Variants in SEMA6D observed in about 807,000 individuals in gnomAD.
SEMA6D encodes semaphorin 6D.
A neutral mutation model predicts 106.6 loss-of-function variants in SEMA6D; 35 were observed. The ratio of observed to expected loss-of-function variants is 0.33; its 90% CI spans 0.25 to 0.44. The LOEUF (loss-of-function observed/expected upper bound fraction) is 0.44. Among genes scored for constraint, SEMA6D ranks in the 20% least tolerant of loss-of-function variants. The pLI is 1.00. For missense variants in SEMA6D, 1,185 were observed against 1,345.9 expected, an observed-to-expected ratio of 0.88 and a Z score of 1.87; for synonymous variants, 499 against 487.7, an observed-to-expected ratio of 1.02 and a Z score of -0.31.
intron 4 of SEMA6D, among the ~76,000 whole-genome samples, chr15:47,628,589 G>C (rs1005511325): frequency 6.6e-6 from 1 of 151,952 alleles, no homozygotes; most frequent in Admixed American, 6.6e-5. Flanking sequence ...TCTCTAGTGG[G>C]ATTGTTTGCT....
At chr15:47,599,999 C>G (rs182118928) in intron 3 of SEMA6D, among the ~76,000 whole-genome samples, 8 of 151,936 alleles carry the variant, frequency 5.3e-5, no homozygotes, top group Admixed American at 2.6e-4. Flanking sequence ...GGAATTTGTA[C>G]CATTTGGGGA....
Position 47,766,103 on chromosome 15 carries a change from A to G in SEMA6D, c.1569-2A>G. 1 of 1,613,662 alleles carries G rather than the reference A, an allele frequency of 6.2e-7. No individual in the cohort carries two copies. On this transcript the variant is annotated splice_acceptor_variant, in intron 14 of 18. Transcript: ENST00000536845. LOFTEE classifies it high-confidence loss of function. ...AGTTACATTCTGTTTGGTTTTACAC[A>G]GGTCTTGTATTGCATCTCGTGACCC...
intron 1 of SEMA6D, among the ~76,000 whole-genome samples, chr15:47,401,919 C>T (rs1415327586): frequency 1.3e-5 from 2 of 152,188 alleles, no homozygotes; most frequent in African/African-American, 4.8e-5. Flanking sequence ...AGACTGTGAG[C>T]CCTTCAAAAA....
At chr15:47,475,890 C>G (rs1170184506) in intron 3 of SEMA6D, among the ~76,000 whole-genome samples, 23 of 152,190 alleles carry the variant, frequency 1.5e-4, no homozygotes, top group Non-Finnish European at 5.9e-5. Flanking sequence ...ATTAAACAGC[C>G]CTGGCTAAAG....
At chr15:47,202,487 T>C (rs1420766307) in intron 1 of SEMA6D, among the ~76,000 whole-genome samples, 1 of 151,948 alleles carries the variant, frequency 6.6e-6, no homozygotes, top group Non-Finnish European at 1.5e-5. Context: ...CTGTACATGC[T>C]CACCTCCCAA....
At chr15:47,501,735 G>A (rs1428145222) in intron 3 of SEMA6D, among the ~76,000 whole-genome samples, 3 of 152,118 alleles carry the variant, frequency 2.0e-5, no homozygotes, top group Admixed American at 2.0e-4. Context: ...ATTATTTGAT[G>A]CAGCAAAAGA....
intron 4 of SEMA6D, among the ~76,000 whole-genome samples, chr15:47,678,958 C>A (rs967428017): frequency 1.7e-4 from 26 of 152,180 alleles, no homozygotes; most frequent in African/African-American, 6.0e-4. Flanking sequence ...TGTCTGACTC[C>A]AAATGTCAGC....
rs55676647 is a variant in SEMA6D, at chr15:47,312,146, G to GTTT, written c.-238-100236_-238-100234dup. Among the ~76,000 whole-genome samples the GTTT allele has an allele frequency of 6.3e-3, 889 of 142,214 alleles. 29 individuals carry two copies. The highest frequency in any genetic ancestry group is 0.035 in the East Asian group (172 of 4,888). The allele number at this position is 142,214 out of a possible 152,430, so 93.3% of individuals were successfully genotyped here. ...ATTTTTGCTTAGGCGTCTTTCTAGGGTTTTTTTTTTTTTCCCCATTACCAT... is the reference window on the plus strand; with the variant it reads ...ATTTTTGCTTAGGCGTCTTTCTAGGGTTTTTTTTTTTTTTTTCCCCATTACCAT... On this transcript the variant is annotated intron_variant, in intron 1 of 19. Coordinates refer to the SEMA6D transcript ENST00000558014.
In SEMA6D at chr15:47,771,629, G is replaced by C; in HGVS notation, c.3066G>C (p.Gln1022His). The C allele has an allele frequency of 6.2e-7, 1 of 1,614,106 alleles. No homozygotes were observed. The highest frequency in any genetic ancestry group is 2.2e-5 in the East Asian group (1 of 44,874). ...IQGTPVSVHLQPSLSRQSSYT... is the reference protein window; with the variant it reads ...IQGTPVSVHLHPSLSRQSSYT... ...GAACACCAGTGAGTGTTCATCTGCA[G>C]CCTTCCCTCTCCAGACAGAGCAGCT... is the stretch of plus-strand genomic sequence containing the variant. The change falls in exon 19 of 19, where the codon CAG (glutamine) becomes CAC (histidine). Residue 1022 changes from glutamine to histidine, a missense_variant. Coordinates refer to ENST00000536845, the MANE Select transcript of SEMA6D (RefSeq NM_001358351.3).
At chr15:47,239,716 A>G (rs1342094325) in intron 1 of SEMA6D, among the ~76,000 whole-genome samples, 1 of 152,146 alleles carries the variant, frequency 6.6e-6, no homozygotes, top group Non-Finnish European at 1.5e-5. Flanking sequence ...AGCTCTCTGT[A>G]TATCAGTTTC....
At chr15:47,651,511 A>T (rs1409108767) in intron 4 of SEMA6D, among the ~76,000 whole-genome samples, 18 of 152,178 alleles carry the variant, frequency 1.2e-4, no homozygotes, top group Non-Finnish European at 2.9e-5. Context: ...TTCATAGCTG[A>T]TCTTATTGGG....
intron 3 of SEMA6D, among the ~76,000 whole-genome samples, chr15:47,532,995 G>T (rs2045027242): frequency 6.6e-6 from 1 of 152,084 alleles, no homozygotes; most frequent in South Asian, 2.1e-4. Context: ...TACCAAGTCT[G>T]AGGAAGAAAC....
intron 4 of SEMA6D, among the ~76,000 whole-genome samples, chr15:47,677,430 C>G (rs1385326539): frequency 6.6e-6 from 1 of 152,130 alleles, no homozygotes; most frequent in Admixed American, 6.5e-5. Flanking sequence ...TTTCAATTTT[C>G]CAGTGTCACT....
chr15:47,637,573 G>A (rs1241921858), intron 4 of SEMA6D, among the ~76,000 whole-genome samples: 7 of 152,164 alleles, frequency 4.6e-5, no homozygotes, highest in Admixed American at 1.3e-4. Context: ...CATCGTGTCA[G>A]TTTTTCAATG....
At chr15:47,745,337 G>A (rs2081069029) in intron 1 of SEMA6D, among the ~76,000 whole-genome samples, 1 of 152,178 alleles carries the variant, frequency 6.6e-6, no homozygotes, top group African/African-American at 2.4e-5. Context: ...CCAACATACA[G>A]GGTAATGGAG....
intron 1 of SEMA6D, among the ~76,000 whole-genome samples, chr15:47,330,597 A>G (rs906443783): frequency 6.6e-6 from 1 of 152,214 alleles, no homozygotes; most frequent in Non-Finnish European, 1.5e-5. Context: ...TTCAGCCAAC[A>G]TTTATTGAGT....
intron 1 of SEMA6D, among the ~76,000 whole-genome samples, chr15:47,268,219 T>G (rs952719930): frequency 2.0e-5 from 3 of 152,184 alleles, no homozygotes; most frequent in African/African-American, 4.8e-5. Context: ...TCTCACTTAA[T>G]TGCACTGAGA....
At chr15:47,615,272 G>A (rs921074449) in intron 4 of SEMA6D, among the ~76,000 whole-genome samples, 30 of 152,074 alleles carry the variant, frequency 2.0e-4, no homozygotes, top group East Asian at 1.9e-4. Context: ...AGAAGTAATC[G>A]ACAGTGATTT....
intron 1 of SEMA6D, among the ~76,000 whole-genome samples, chr15:47,725,577 A>G (rs2079692008): frequency 6.7e-6 from 1 of 148,948 alleles, no homozygotes; most frequent in Non-Finnish European, 1.5e-5. Flanking sequence ...TGGTCCTGCC[A>G]TACTCAACCC....
Sources: allele counts gnomAD v4.1 joint callset (sites outside exome capture counted in the v4.1 genomes callset), GRCh38; gene constraint gnomAD v4.1.1; transcripts MANE v1.5; gene names NCBI Gene and HGNC (gene_info 2026-07-23, HGNC 2026-07-21).